The following GLG1 variants were observed in gnomAD, a reference collection of about 807,000 sequenced individuals.
The protein encoded by GLG1 is golgi glycoprotein 1, also known as Golgi apparatus protein 1.
GLG1 carries 38 observed loss-of-function variants against 160.5 expected under a neutral mutation model. That is an observed-to-expected ratio of 0.24 (90% CI 0.18 to 0.31). The LOEUF (loss-of-function observed/expected upper bound fraction) is 0.31, where lower values mean the gene tolerates loss of function less well. GLG1 is among the 10% of genes least tolerant of loss of function. The probability of loss-of-function intolerance (pLI) is 1.00; values close to 1 mark genes in which losing one functional copy is unlikely to be tolerated. For missense variants in GLG1, 1,373 were observed against 1,505.2 expected (o/e 0.91, Z 1.45); for synonymous variants, 644 against 543.4 (o/e 1.19, Z -2.57).
intron 1 of GLG1, among the ~76,000 whole-genome samples, chr16:74,534,955 C>G (rs1297340148): frequency 2.6e-5 from 4 of 152,170 alleles, no homozygotes; most frequent in Non-Finnish European, 4.4e-5. Context: ...TTAGGAGATA[C>G]AATATGAGCA....
At chr16:74,567,575 T>A (rs1271652523) in intron 1 of GLG1, among the ~76,000 whole-genome samples, 2 of 142,746 alleles carry the variant, frequency 1.4e-5, no homozygotes, top group Non-Finnish European at 1.5e-5. Context: ...TTTTTTTTTT[T>A]TTTTGAGACG....
chr16:74,505,505 A>C (rs920369893), intron 3 of GLG1, among the ~76,000 whole-genome samples: 1 of 152,132 alleles, frequency 6.6e-6, no homozygotes, highest in Non-Finnish European at 1.5e-5. Flanking sequence ...GGATCACTTG[A>C]AGTTAGGAGT....
chr16:74,530,660 G>T (rs1327413289), intron 2 of GLG1, among the ~76,000 whole-genome samples: 2 of 150,788 alleles, frequency 1.3e-5, no homozygotes, highest in Non-Finnish European at 3.0e-5. Flanking sequence ...TTTAAGAGAT[G>T]GGGGGCTCAC....
At chr16:74,507,721 G>C (rs939921262) in intron 3 of GLG1, among the ~76,000 whole-genome samples, 2 of 151,666 alleles carry the variant, frequency 1.3e-5, no homozygotes, top group African/African-American at 4.8e-5. Context: ...GGGCGACAGA[G>C]CAAGACTCCA....
At position 74,496,563 on chromosome 16, in the gene GLG1, G is replaced by C. The variant is rs1473741646; in HGVS notation, c.856C>G (p.Gln286Glu). ...KEAEEREPKI[Q>E]VSELCKKAIL... is the part of the protein sequence containing the mutation. ...GCTTTCTTGCAGAGTTCAGAAACTT[G>C]AATCTTGGGTTCTCTTTCTTCTGCT... The change falls in exon 5 of 26, where the codon CAA (glutamine) becomes GAA (glutamate). Residue 286 changes from glutamine to glutamate, a missense_variant. Physicochemically the swap from Gln to Glu is conservative, Grantham distance 29. Coordinates refer to ENST00000422840, the MANE Select transcript of GLG1 (RefSeq NM_001145667.2). 4 of 1,613,406 alleles carry C rather than the reference G, an allele frequency of 2.5e-6. No homozygotes were observed. The highest frequency in any genetic ancestry group is 1.7e-5 in the Admixed American group (1 of 59,982).
chr16:74,581,776 G>C (rs1417537726), intron 1 of GLG1, among the ~76,000 whole-genome samples: 1 of 152,106 alleles, frequency 6.6e-6, no homozygotes, highest in Non-Finnish European at 1.5e-5. Context: ...GCTGGGCTTG[G>C]TGGCGGGCGC....
intron 1 of GLG1, among the ~76,000 whole-genome samples, chr16:74,588,191 G>C (rs1017897641): frequency 1.3e-5 from 2 of 152,006 alleles, no homozygotes; most frequent in Non-Finnish European, 1.5e-5. Context: ...AGGAGAGAAA[G>C]AGGGACAAAA....
intron 1 of GLG1, among the ~76,000 whole-genome samples, chr16:74,562,837 G>C (rs1798866811): frequency 6.6e-6 from 1 of 152,148 alleles, no homozygotes; most frequent in Admixed American, 6.6e-5. Flanking sequence ...TCTAGAACCT[G>C]GAGGTTGGTT....
chr16:74,495,645 T>C (rs569403631), intron 5 of GLG1, among the ~76,000 whole-genome samples: 476 of 152,344 alleles, frequency 3.1e-3, no homozygotes, highest in Non-Finnish European at 5.7e-3. Context: ...ATTAGCCACC[T>C]GCTGTTTTCT....
Position 74,500,868 on chromosome 16 carries a change from C to T in GLG1, c.774+2663G>A, listed in dbSNP as rs186825008. The stretch of plus-strand genomic sequence containing the variant: ...TTTATTATTATATAAAATTCTAAAG[C>T]CTTTATTAATGTATCTTCTTTGTTC... On this transcript the variant is annotated intron_variant, in intron 4 of 25. Coordinates refer to ENST00000422840, the MANE Select transcript of GLG1 (RefSeq NM_001145667.2). Among the ~76,000 whole-genome samples, 1,133 of 152,192 alleles carry T rather than the reference C, an allele frequency of 7.4e-3. 14 individuals are homozygous for T. The highest frequency in any genetic ancestry group is 0.026 in the African/African-American group (1,076 of 41,512).
intron 4 of GLG1, among the ~76,000 whole-genome samples, chr16:74,499,157 C>T (rs1333150790): frequency 6.6e-6 from 1 of 152,084 alleles, no homozygotes; most frequent in East Asian, 1.9e-4. Flanking sequence ...GCTAACAGTC[C>T]ATTATTTATT....
chr16:74,468,052 A>G (rs758942113), intron 17 of GLG1: 53 of 503,040 alleles, frequency 1.1e-4, no homozygotes, highest in Non-Finnish European at 1.7e-4. Context: ...TGCAAAACAC[A>G]ATGCCAAGTC....
At position 74,498,914 on chromosome 16, in the gene GLG1, C is replaced by T. The variant is rs529746660; in HGVS notation, c.775-2270G>A. Among the ~76,000 whole-genome samples, 8 of 130,456 alleles carry T rather than the reference C, an allele frequency of 6.1e-5. No individual in the cohort carries two copies. In the South Asian group the frequency reaches 2.1e-3, roughly 35 times the overall value. The allele number at this position is 130,456 out of a possible 152,430, so 85.6% of individuals were successfully genotyped here. A position where few individuals can be genotyped will look rare whatever the true frequency, so the allele number is the denominator to read the frequency against. ...AGATTCCTAAAACCAAGTAGCGTAA[C>T]ATCTACTTCAGACAAAATTTCAAAT... On this transcript the variant is annotated intron_variant, in intron 4 of 25. Transcript: ENST00000422840.
intron 1 of GLG1, among the ~76,000 whole-genome samples, chr16:74,569,872 A>AAAG (rs2018775833): frequency 6.6e-6 from 1 of 151,160 alleles, no homozygotes; most frequent in African/African-American, 2.4e-5. Flanking sequence ...AAAAAAAAAA[A>AAAG]AAGAAAAAAA....
intron 2 of GLG1, among the ~76,000 whole-genome samples, chr16:74,514,721 G>C (rs1202579247): frequency 1.3e-5 from 2 of 152,136 alleles, no homozygotes; most frequent in Admixed American, 6.6e-5. Flanking sequence ...ACTATGAAGA[G>C]ACTGCATCAA....
intron 23 of GLG1, 158 bp from the exon 24 acceptor site, chr16:74,458,152 G>T: frequency 1.7e-6 from 1 of 594,674 alleles, no homozygotes; most frequent in Non-Finnish European, 3.0e-6. Flanking sequence ...ATGATGTACA[G>T]AATGCAGAAT....
At chr16:74,574,560 A>T (rs1333988411) in intron 1 of GLG1, among the ~76,000 whole-genome samples, 1 of 152,062 alleles carries the variant, frequency 6.6e-6, no homozygotes, top group Non-Finnish European at 1.5e-5. Flanking sequence ...CAAAATAATA[A>T]ATTTTGGCAA....
Position 74,490,981 on chromosome 16 carries a change from C to T in GLG1, c.1449+20G>A, listed in dbSNP as rs772399079. 1 of 1,554,996 alleles carries T rather than the reference C, an allele frequency of 6.4e-7. No individual in the cohort carries two copies. Among genetic ancestry groups the T allele is most frequent in the Admixed American group, 1.7e-5 (1 of 59,876 alleles). On this transcript the variant is annotated intron_variant, in intron 8 of 25. Transcript: ENST00000422840. Reference sequence around the variant, plus strand: ...CTGATAAATGTGACATTCAAAATGGCAATAGCAATGTCTCCTTACCGCCTG... The same window carrying T: ...CTGATAAATGTGACATTCAAAATGGTAATAGCAATGTCTCCTTACCGCCTG...
chr16:74,462,062 T>C, intron 22 of GLG1, 32 bp downstream of exon 22: 1 of 1,109,160 alleles, frequency 9.0e-7, no homozygotes, highest in Non-Finnish European at 1.4e-6. Flanking sequence ...TGAGCAGCTC[T>C]GTGCGTAACC....
Sources: allele counts gnomAD v4.1 joint callset (sites outside exome capture counted in the v4.1 genomes callset), GRCh38; gene constraint gnomAD v4.1.1; transcripts MANE v1.5; gene names NCBI Gene and HGNC (gene_info 2026-07-23, HGNC 2026-07-21).